The following EIF3J variants were observed in gnomAD, a reference collection of about 807,000 sequenced individuals.
EIF3J encodes eukaryotic translation initiation factor 3, subunit 1 (alpha, 35kD).
Under a neutral mutation model 39.0 loss-of-function variants are expected in EIF3J, and 15 were observed. The ratio of observed to expected loss-of-function variants is 0.38; its 90% CI spans 0.26 to 0.59. The LOEUF (loss-of-function observed/expected upper bound fraction) is 0.59. Ranked by LOEUF, EIF3J falls within the 20% of genes least tolerant of loss-of-function variation. The pLI is 0.60. For missense variants in EIF3J, 226 were observed against 308.6 expected, an observed-to-expected ratio of 0.73 and a Z score of 2.00; for synonymous variants, 98 against 112.9, an observed-to-expected ratio of 0.87 and a Z score of 0.84.
chr15:44,553,308 C>T (rs7168014), intron 4 of EIF3J, among the ~76,000 whole-genome samples: 4,519 of 151,408 alleles, frequency 0.03, 243 homozygotes, highest in African/African-American at 0.1. Context: ...CTGGCTAACA[C>T]GGTGAAACCC....
rs1375566305 is a variant in EIF3J at position 44,551,062 on chromosome 15, C to A, written c.202+132C>A. ...TTAGAAACCAAGTGTCCTTCCATTCCCACTTTATTCTGTTTTCCCTGCAAC... is the reference window on the plus strand; with the variant it reads ...TTAGAAACCAAGTGTCCTTCCATTCACACTTTATTCTGTTTTCCCTGCAAC... On this transcript the variant is annotated intron_variant, in intron 3 of 7. Transcript: ENST00000261868. The A allele has an allele frequency of 2.9e-6, 4 of 1,372,648 alleles. No homozygotes were observed. The South Asian group carries it at 5.1e-5, about 17-fold the overall frequency. 85.0% of individuals were successfully genotyped at this position (1,372,648 alleles called of 1,614,324 possible).
intron 2 of EIF3J, among the ~76,000 whole-genome samples, chr15:44,548,762 C>G (rs1439525477): frequency 6.6e-6 from 1 of 152,092 alleles, no homozygotes; most frequent in African/African-American, 2.4e-5. Flanking sequence ...GATATCTACT[C>G]CTAATATAAA....
At chr15:44,553,450 C>G (rs1294765351) in intron 4 of EIF3J, among the ~76,000 whole-genome samples, 13 of 151,660 alleles carry the variant, frequency 8.6e-5, no homozygotes, top group Admixed American at 8.5e-4. Context: ...GGAGATCGCA[C>G]CACTGCACTC....
intron 6 of EIF3J, among the ~76,000 whole-genome samples, chr15:44,559,817 G>C (rs1316807278): frequency 1.3e-5 from 2 of 151,646 alleles, no homozygotes; most frequent in African/African-American, 4.8e-5. Context: ...CATTTGTTTA[G>C]ACTGAGGAAG....
chr15:44,537,479 C>A (rs1317194006), intron 2 of EIF3J, 52 bp downstream of exon 2: 3 of 1,446,004 alleles, frequency 2.1e-6, no homozygotes, highest in Non-Finnish European at 2.7e-6. Flanking sequence ...GGCGCTGTTG[C>A]CGGCCGACTC....
chr15:44,559,236 T>TA (rs34429624), intron 6 of EIF3J: 49,606 of 123,654 alleles, frequency 0.4, 10,334 homozygotes, highest in East Asian at 0.54. Context: ...TCATCTCTAT[T>TA]AAAAAAAAAA....
intron 2 of EIF3J, among the ~76,000 whole-genome samples, chr15:44,541,612 T>C (rs534984654): frequency 1.3e-5 from 2 of 152,330 alleles, no homozygotes; most frequent in East Asian, 3.9e-4. Flanking sequence ...ATAGTTTGAA[T>C]CTACCAGATA....
chr15:44,553,355 G>A (rs1220895507), intron 4 of EIF3J, among the ~76,000 whole-genome samples: 2 of 152,088 alleles, frequency 1.3e-5, no homozygotes, highest in South Asian at 2.1e-4. Context: ...AGACGGGCGT[G>A]GTGGCGGGCG....
chr15:44,539,323 G>A (rs1162646192), intron 2 of EIF3J, among the ~76,000 whole-genome samples: 2 of 152,080 alleles, frequency 1.3e-5, no homozygotes, highest in Non-Finnish European at 2.9e-5. Flanking sequence ...ACCGTACCCA[G>A]CCTCTGATGA....
intron 2 of EIF3J, among the ~76,000 whole-genome samples, chr15:44,538,182 GTTGTT>G (rs1026366027): frequency 5.9e-5 from 9 of 151,912 alleles, no homozygotes; most frequent in Non-Finnish European, 1.0e-4. Flanking sequence ...TGTTGTTGTT[GTTGTT>G]TTGTCTGTGC....
chr15:44,544,535 C>T (rs2082037709), intron 2 of EIF3J, among the ~76,000 whole-genome samples: 2 of 149,166 alleles, frequency 1.3e-5, no homozygotes, highest in South Asian at 4.2e-4. Flanking sequence ...AGAAACCCAT[C>T]TCTACTAAAA....
At chr15:44,539,732 C>CT (rs77942286) in intron 2 of EIF3J, among the ~76,000 whole-genome samples, 1,715 of 129,224 alleles carry the variant, frequency 0.013, 28 homozygotes, top group African/African-American at 0.041. Flanking sequence ...ATTTCTTTTT[C>CT]TTTTTTTTTT....
intron 2 of EIF3J, among the ~76,000 whole-genome samples, chr15:44,550,398 C>G (rs1246408959): frequency 6.6e-5 from 10 of 152,022 alleles, no homozygotes; most frequent in Non-Finnish European, 1.5e-5. Context: ...CTCAAGTGAT[C>G]TTCCCACCTT....
chr15:44,539,735 T>TTC (rs1555443797), intron 2 of EIF3J, among the ~76,000 whole-genome samples: 3 of 147,086 alleles, frequency 2.0e-5, no homozygotes, highest in African/African-American at 7.4e-5. Context: ...TCTTTTTCTT[T>TTC]TTTTTTTTTT....
At chr15:44,560,727 T>C (rs947350244) in intron 7 of EIF3J, among the ~76,000 whole-genome samples, 1 of 152,184 alleles carries the variant, frequency 6.6e-6, no homozygotes, top group African/African-American at 2.4e-5. Flanking sequence ...GGGGTACTTA[T>C]CCACACTTTT....
intron 6 of EIF3J, chr15:44,558,877 A>G (rs1237635999): frequency 6.6e-6 from 1 of 152,152 alleles, no homozygotes; most frequent in Non-Finnish European, 1.5e-5. Flanking sequence ...TGCATGTACT[A>G]ATTTTTTTCT....
At chr15:44,554,375 T>TAAC (rs2082126621) in intron 4 of EIF3J, among the ~76,000 whole-genome samples, 178 bp from the exon 5 acceptor site, 1 of 61,882 alleles carries the variant, frequency 1.6e-5, no homozygotes, top group Non-Finnish European at 3.3e-5. Flanking sequence ...AGGCTCTGTC[T>TAAC]AAAAAAAAAA....
intron 2 of EIF3J, among the ~76,000 whole-genome samples, chr15:44,545,178 A>G (rs1567116479): frequency 6.6e-6 from 1 of 152,194 alleles, no homozygotes; most frequent in East Asian, 1.9e-4. Context: ...TTTATACTTC[A>G]GGACTCAGGG....
chr15:44,553,439 C>G (rs568271174), intron 4 of EIF3J, among the ~76,000 whole-genome samples: 2 of 151,242 alleles, frequency 1.3e-5, no homozygotes, highest in Non-Finnish European at 2.9e-5. Context: ...TTGCAGTGAG[C>G]GGAGATCGCA....
Sources: gnomAD v4.1 joint callset for allele counts (sites outside exome capture counted in the v4.1 genomes callset) on GRCh38, gnomAD v4.1.1 for gene constraint, MANE v1.5 for transcripts, NCBI Gene and HGNC (gene_info 2026-07-23, HGNC 2026-07-21) for gene names.